Variants in TRAPPC9 observed in about 807,000 individuals in gnomAD.
TRAPPC9 encodes IKK2 binding protein.
TRAPPC9 carries 83 observed loss-of-function variants against 124.0 expected under a neutral mutation model. The ratio of observed to expected loss-of-function variants is 0.67; its 90% CI spans 0.56 to 0.80. The LOEUF (loss-of-function observed/expected upper bound fraction) is 0.80, where lower values mean the gene tolerates loss of function less well. Among genes scored for constraint, TRAPPC9 ranks in the 30% least tolerant of loss-of-function variants. The probability of loss-of-function intolerance (pLI) is 0.00; values close to 1 mark genes in which losing one functional copy is unlikely to be tolerated. For synonymous variants in TRAPPC9, 638 were observed against 617.5 expected (o/e 1.03, Z -0.49); for missense variants, 1,302 against 1,508.3 (o/e 0.86, Z 2.27).
At chr8:139,915,701 A>G (rs1364372150) in intron 19 of TRAPPC9, among the ~76,000 whole-genome samples, 1 of 152,178 alleles carries the variant, frequency 6.6e-6, no homozygotes, top group African/African-American at 2.4e-5. Flanking sequence ...CAGGGCAGAG[A>G]CATCTTCCCT....
intron 21 of TRAPPC9, among the ~76,000 whole-genome samples, chr8:139,838,682 G>A (rs924566580): frequency 3.3e-5 from 5 of 152,186 alleles, no homozygotes; most frequent in African/African-American, 1.2e-4. Context: ...CAAGGTTACC[G>A]AGGAGGCCTG....
intron 8 of TRAPPC9, 135 bp downstream of exon 8, chr8:140,370,829 T>A: frequency 1.0e-6 from 1 of 958,868 alleles, no homozygotes; most frequent in Non-Finnish European, 1.6e-6. Context: ...GGCACCCAAC[T>A]CCAGGGCAGG....
chr8:140,432,623 A>G (rs2070683610), intron 4 of TRAPPC9, among the ~76,000 whole-genome samples: 1 of 152,262 alleles, frequency 6.6e-6, no homozygotes, highest in Non-Finnish European at 1.5e-5. Context: ...CTGTAATCCC[A>G]GCACTTTGGG....
intron 17 of TRAPPC9, among the ~76,000 whole-genome samples, chr8:140,188,107 C>T (rs1330642092): frequency 3.3e-5 from 5 of 152,194 alleles, no homozygotes; most frequent in African/African-American, 7.2e-5. Context: ...TCCTGGCCTC[C>T]CAGAGATCAT....
intron 21 of TRAPPC9, among the ~76,000 whole-genome samples, chr8:139,740,155 G>T (rs977669166): frequency 6.6e-5 from 10 of 152,216 alleles, no homozygotes; most frequent in Admixed American, 6.5e-4. Flanking sequence ...AATCTCCTGG[G>T]AGCCAATCAG....
chr8:140,366,538 T>G (rs2068113150), intron 8 of TRAPPC9, among the ~76,000 whole-genome samples: 1 of 152,142 alleles, frequency 6.6e-6, no homozygotes. Context: ...AAAATAACTC[T>G]AGACACAGAC....
chr8:140,416,874 T>C (rs557143524), intron 5 of TRAPPC9, among the ~76,000 whole-genome samples: 1 of 152,190 alleles, frequency 6.6e-6, no homozygotes, highest in East Asian at 1.9e-4. Flanking sequence ...AACAGATATA[T>C]AGACCAATGG....
chr8:140,011,695 T>C (rs1269641058), intron 18 of TRAPPC9, among the ~76,000 whole-genome samples: 2 of 125,468 alleles, frequency 1.6e-5, no homozygotes, highest in Non-Finnish European at 3.2e-5. Flanking sequence ...TTTTTTTTTT[T>C]TTGACGGAGT....
intron 18 of TRAPPC9, among the ~76,000 whole-genome samples, chr8:140,015,220 G>A (rs1278185937): frequency 6.6e-6 from 1 of 152,176 alleles, no homozygotes; most frequent in Non-Finnish European, 1.5e-5. Context: ...TGGCCTGGAA[G>A]CCAGGACATC....
intron 21 of TRAPPC9, among the ~76,000 whole-genome samples, chr8:139,820,416 A>G (rs1258211384): frequency 1.3e-5 from 2 of 152,182 alleles, no homozygotes; most frequent in Admixed American, 6.5e-5. Flanking sequence ...CCTGACCTCA[A>G]GTATCCACCT....
At chr8:140,225,326 T>G (rs575291235) in intron 16 of TRAPPC9, among the ~76,000 whole-genome samples, 1 of 152,210 alleles carries the variant, frequency 6.6e-6, no homozygotes, top group Non-Finnish European at 1.5e-5. Flanking sequence ...CAGTATTTAG[T>G]TGACACGCAC....
At chr8:140,351,375 G>C (rs2067570152) in intron 9 of TRAPPC9, among the ~76,000 whole-genome samples, 1 of 147,978 alleles carries the variant, frequency 6.8e-6, no homozygotes, top group Non-Finnish European at 1.5e-5. Flanking sequence ...AACGTGTGTA[G>C]TTTTTTTTTT....
At chr8:140,088,799 AT>A (rs1410404258) in intron 17 of TRAPPC9, among the ~76,000 whole-genome samples, 1 of 152,070 alleles carries the variant, frequency 6.6e-6, no homozygotes, top group African/African-American at 2.4e-5. Flanking sequence ...ACTTCGACTT[AT>A]TTTTTTCTCT....
In TRAPPC9 at chr8:139,831,018, C is replaced by T. The variant is rs75008133; in HGVS notation, c.3055+54861G>A. On this transcript the variant is annotated intron_variant, in intron 21 of 22. Coordinates refer to ENST00000438773, the MANE Select transcript of TRAPPC9 (RefSeq NM_001160372.4). ...CGAATGCTCACGTGCACTTGGCAAT[C>T]ACAGCGACCTTGGGAAGCGGGAGCA... Among the ~76,000 whole-genome samples the T allele has an allele frequency of 2.8e-3, 432 of 152,354 alleles. 5 individuals carry two copies. The East Asian group carries it at 0.031, about 11-fold the overall frequency.
intron 21 of TRAPPC9, among the ~76,000 whole-genome samples, chr8:139,754,143 C>G (rs1819540823): frequency 1.3e-5 from 2 of 151,470 alleles, no homozygotes; most frequent in Admixed American, 1.3e-4. Context: ...ACAGCCAAGG[C>G]CCCCCCAGCC....
At chr8:140,004,185 G>A (rs1838593259) in intron 18 of TRAPPC9, among the ~76,000 whole-genome samples, 1 of 152,132 alleles carries the variant, frequency 6.6e-6, no homozygotes, top group African/African-American at 2.4e-5. Context: ...CAACGGTGGG[G>A]CCGGGGAGAT....
intron 17 of TRAPPC9, among the ~76,000 whole-genome samples, chr8:140,209,457 C>G (rs1309642263): frequency 6.6e-6 from 1 of 152,216 alleles, no homozygotes; most frequent in Non-Finnish European, 1.5e-5. Context: ...TCCTTAACAT[C>G]TGTGTTAGAA....
At chr8:140,195,152 G>A (rs2062611951) in intron 17 of TRAPPC9, among the ~76,000 whole-genome samples, 1 of 152,086 alleles carries the variant, frequency 6.6e-6, no homozygotes. Context: ...GATCACACCT[G>A]TGACACTAAA....
At chr8:140,148,113 GC>G (rs2061489586) in intron 17 of TRAPPC9, among the ~76,000 whole-genome samples, 1 of 152,252 alleles carries the variant, frequency 6.6e-6, no homozygotes, top group African/African-American at 2.4e-5. Context: ...CACACGGGAA[GC>G]CCCCACCGAG....
Sources: gnomAD v4.1 joint callset for allele counts (sites outside exome capture counted in the v4.1 genomes callset) on GRCh38, gnomAD v4.1.1 for gene constraint, MANE v1.5 for transcripts, NCBI Gene and HGNC (gene_info 2026-07-23, HGNC 2026-07-21) for gene names.